The following CTSB variants were observed in gnomAD, a reference collection of about 807,000 sequenced individuals.
The protein encoded by CTSB is APP secretase.
CTSB carries 57 observed loss-of-function variants against 44.3 expected under a neutral mutation model. The ratio of observed to expected loss-of-function variants is 1.29; its 90% CI spans 1.04 to 1.60. The LOEUF is 1.60. CTSB is among the 40% of genes most tolerant of loss of function. The probability of loss-of-function intolerance (pLI) is 0.00; values close to 1 mark genes in which losing one functional copy is unlikely to be tolerated. For synonymous variants in CTSB, 320 were observed against 168.0 expected (o/e 1.91, Z -7.00); for missense variants, 768 against 443.0 (o/e 1.73, Z -6.59).
At chr8:11,845,826 C>G (rs750669204) in intron 8 of CTSB, 37 bp from the exon 9 acceptor site, 2 of 1,580,844 alleles carry the variant, frequency 1.3e-6, no homozygotes, top group Non-Finnish European at 1.7e-6. Flanking sequence ...CGAGACCGGG[C>G]CACTGTCCCA....
chr8:11,846,067 T>C (rs554199991), intron 8 of CTSB: 5 of 267,950 alleles, frequency 1.9e-5, no homozygotes, highest in Non-Finnish European at 2.8e-5. Flanking sequence ...TACATTCTAA[T>C]TGATAAAACA....
At chr8:11,855,922 A>T (rs1349860009) in intron 1 of CTSB, among the ~76,000 whole-genome samples, 1 of 151,860 alleles carries the variant, frequency 6.6e-6, no homozygotes, top group African/African-American at 2.4e-5. Context: ...GGAGGCTGAG[A>T]CAGGAGAATT....
chr8:11,857,181 G>A (rs913228595), intron 1 of CTSB, among the ~76,000 whole-genome samples: 2 of 152,124 alleles, frequency 1.3e-5, no homozygotes, highest in African/African-American at 4.8e-5. Context: ...GTGCTACCAC[G>A]TTTGGCTAAT....
intron 9 of CTSB, 118 bp downstream of exon 9, chr8:11,845,543 G>C (rs1272179162): frequency 1.6e-6 from 2 of 1,271,852 alleles, no homozygotes; most frequent in African/African-American, 1.5e-5. Flanking sequence ...GGAGCTCACA[G>C]CCTGGCCGTA....
chr8:11,865,146 C>T (rs1369144574), intron 1 of CTSB, among the ~76,000 whole-genome samples: 2 of 152,178 alleles, frequency 1.3e-5, no homozygotes, highest in Non-Finnish European at 2.9e-5. Flanking sequence ...GACTCAACTG[C>T]CTGTCACCCC....
chr8:11,864,785 A>G (rs982237869), intron 1 of CTSB, among the ~76,000 whole-genome samples: 1 of 151,916 alleles, frequency 6.6e-6, no homozygotes, highest in Admixed American at 6.6e-5. Context: ...ATGGTGGTGC[A>G]TGCCTCTAAT....
At chr8:11,862,604 G>C (rs1586196583) in intron 1 of CTSB, 1 of 152,250 alleles carries the variant, frequency 6.6e-6, no homozygotes, top group African/African-American at 2.4e-5. Context: ...GAGTGGGTTG[G>C]GAATGGGTGG....
At chr8:11,854,508 G>C (rs1321861510) in intron 1 of CTSB, among the ~76,000 whole-genome samples, 1 of 147,348 alleles carries the variant, frequency 6.8e-6, no homozygotes, top group Admixed American at 6.7e-5. Context: ...TTTTTTTTGA[G>C]ACAGGGTCTT....
chr8:11,847,345 G>T (rs1813590750), intron 7 of CTSB, among the ~76,000 whole-genome samples, 177 bp from the exon 8 acceptor site: 1 of 152,156 alleles, frequency 6.6e-6, no homozygotes, highest in South Asian at 2.1e-4. Flanking sequence ...CAGGGCTGGG[G>T]CTGGAAGCTC....
In CTSB at chr8:11,844,132, G is replaced by A. The variant is rs571756388; in HGVS notation, c.*993C>T. ...ACAGAGAAGGTTGACGAGGATGACAGGGAACTAATTGGGGGAGGGATGCCA... is the reference window on the plus strand; with the variant it reads ...ACAGAGAAGGTTGACGAGGATGACAAGGAACTAATTGGGGGAGGGATGCCA... On this transcript the variant is annotated 3_prime_UTR_variant, in exon 10 of 10. Transcript: ENST00000353047. 2 of 152,390 alleles carry A rather than the reference G, an allele frequency of 1.3e-5. No individual in the cohort carries two copies. The highest frequency in any genetic ancestry group is 6.5e-5 in the Admixed American group (1 of 15,304). 9.4% of individuals were successfully genotyped at this position (152,390 alleles called of 1,614,324 possible).
Position 11,852,627 on chromosome 8 carries a change from C to T in CTSB, c.195G>A (p.Gly65=), listed in dbSNP as rs779094537. Residue 65 remains glycine (G), a synonymous_variant, in exon 3 of 10, where the codon GGG becomes GGA. Coordinates refer to ENST00000353047, the MANE Select transcript of CTSB (RefSeq NM_001908.5). ...LKRLCGTFLG[G]PKPPQRVMFT... ...GCACTCACCTCTGGGGTGGCTTGGG[C>T]CCACCCAGGAAGGTACCACATAGCC... 6.8e-6 allele frequency: 11 copies of T among 1,613,566 alleles called. No homozygotes were observed. Among genetic ancestry groups the T allele is most frequent in the Non-Finnish European group, 8.5e-6 (10 of 1,179,876 alleles).
chr8:11,854,472 G>C (rs1270379054), intron 1 of CTSB, among the ~76,000 whole-genome samples: 1 of 151,818 alleles, frequency 6.6e-6, no homozygotes, highest in African/African-American at 2.4e-5. Context: ...AGGACAGCAA[G>C]ATGGCTCTGG....
At chr8:11,853,178 G>A in intron 2 of CTSB, 151 bp downstream of exon 2, 1 of 1,045,958 alleles carries the variant, frequency 9.6e-7, no homozygotes, top group Non-Finnish European at 1.4e-6. Context: ...GCGTGGTCCA[G>A]AGCCGACATG....
chr8:11,849,728 C>T (rs1814201951), intron 4 of CTSB: 1 of 152,278 alleles, frequency 6.6e-6, no homozygotes, highest in African/African-American at 2.4e-5. Flanking sequence ...TTATAGGTGC[C>T]TGCCACCAGG....
chr8:11,864,462 G>C (rs977360306), intron 1 of CTSB: 3 of 151,834 alleles, frequency 2.0e-5, no homozygotes, highest in African/African-American at 7.3e-5. Context: ...CTGCACACCA[G>C]CCTGGGAGAC....
At position 11,847,715 on chromosome 8, in the gene CTSB, C is replaced by G; in HGVS notation, c.640G>C (p.Gly214Arg). 6.3e-7 allele frequency: 1 copy of G among 1,592,182 alleles called. No individual in the cohort carries two copies. Among genetic ancestry groups the G allele is most frequent in the Non-Finnish European group, 8.5e-7 (1 of 1,171,420 alleles). Reference sequence around the variant, plus strand: ...TCCTGTTTGTAGGTCGGGCTGTAGCCAGGCTCACAGATCTTGCTACACTTG... The same window carrying G: ...TCCTGTTTGTAGGTCGGGCTGTAGCGAGGCTCACAGATCTTGCTACACTTG... ...TPKCSKICEPGYSPTYKQDKH... is the reference protein window; with the variant it reads ...TPKCSKICEPRYSPTYKQDKH... The change falls in exon 7 of 10, where the codon GGC becomes CGC. Residue 214 changes from glycine (G) to arginine (R), a missense_variant. Coordinates refer to ENST00000353047, the MANE Select transcript of CTSB (RefSeq NM_001908.5).
At chr8:11,846,039 TAAA>T (rs963890624) in intron 8 of CTSB, 104 of 338,422 alleles carry the variant, frequency 3.1e-4, no homozygotes, top group Non-Finnish European at 4.9e-4. Flanking sequence ...TTGTTGGCTT[TAAA>T]AATAGAATTT....
intron 1 of CTSB, among the ~76,000 whole-genome samples, chr8:11,854,088 C>G (rs927212966): frequency 6.6e-6 from 1 of 152,182 alleles, no homozygotes; most frequent in South Asian, 2.1e-4. Flanking sequence ...ACTCTCACCT[C>G]GATGCCCCAG....
intron 7 of CTSB, 115 bp from the exon 8 acceptor site, chr8:11,847,283 G>C (rs540050977): frequency 5.5e-6 from 4 of 721,374 alleles, no homozygotes; most frequent in Non-Finnish European, 9.9e-6. Flanking sequence ...GCATCTAAGG[G>C]GACTTGCCCT....
Sources: gnomAD v4.1 joint callset for allele counts (sites outside exome capture counted in the v4.1 genomes callset) on GRCh38, gnomAD v4.1.1 for gene constraint, MANE v1.5 for transcripts, NCBI Gene and HGNC (gene_info 2026-07-23, HGNC 2026-07-21) for gene names.